NFATC3: variants seen among roughly 807,000 people sequenced by gnomAD.
NFATC3 encodes the protein nuclear factor of activated T-cells, cytoplasmic 3.
NFATC3 carries 46 observed loss-of-function variants against 98.6 expected under a neutral mutation model. The observed-to-expected ratio is 0.47, with a 90% confidence interval of 0.37 to 0.60. The LOEUF is 0.60. NFATC3 is among the 20% of genes least tolerant of loss of function. The pLI, the probability that NFATC3 is intolerant of heterozygous loss-of-function variation, is 0.00. For missense variants in NFATC3, 1,256 were observed against 1,295.5 expected, an observed-to-expected ratio of 0.97 and a Z score of 0.47; for synonymous variants, 512 against 472.2, an observed-to-expected ratio of 1.08 and a Z score of -1.09.
chr16:68,096,970 A>T lies in NFATC3; in HGVS notation c.103+11186A>T, dbSNP rs1339873447. 2.0e-5 allele frequency among the ~76,000 whole-genome samples: 3 copies of T among 152,218 alleles called. No individual in the cohort carries two copies. In the East Asian group the frequency reaches 5.8e-4, roughly 29 times the overall value. ...CACTCTACTATACTGTGGGTAATAG[A>T]TTGAAGAAGACAGGAATGGAGGTGG... On this transcript the variant is annotated intron_variant, in intron 1 of 9. Transcript: ENST00000346183.
At chr16:68,127,335 C>G (rs774087187) in intron 3 of NFATC3, among the ~76,000 whole-genome samples, 2 of 152,102 alleles carry the variant, frequency 1.3e-5, no homozygotes. Context: ...AGATAACTCT[C>G]TGTGTGTATA....
chr16:68,219,481 C>T (rs1436959283), intron 9 of NFATC3, among the ~76,000 whole-genome samples: 2 of 152,064 alleles, frequency 1.3e-5, no homozygotes, highest in Admixed American at 1.3e-4. Context: ...GCGGGAGGAT[C>T]GCTTGAGCCT....
At chr16:68,217,738 G>A in intron 9 of NFATC3, 2 of 1,231,608 alleles carry the variant, frequency 1.6e-6, no homozygotes, top group Non-Finnish European at 2.0e-6. Flanking sequence ...AAACCACTTA[G>A]TCATGACTGA....
intron 9 of NFATC3, chr16:68,221,414 G>A (rs2041859705): frequency 6.9e-7 from 1 of 1,446,284 alleles, no homozygotes; most frequent in Non-Finnish European, 9.1e-7. Context: ...TTGCAGTTCT[G>A]ACTCCCTAGC....
At position 68,191,176 on chromosome 16, in the gene NFATC3, C is replaced by T; in HGVS notation, c.2507C>T (p.Ala836Val). The change falls in exon 9 of 10, where the codon GCA (alanine) becomes GTA (valine). Residue 836 changes from alanine to valine, a missense_variant. Transcript: ENST00000346183. ...EFDSVLFQQD[A>V]TLSGLVNLGC... ...GATTCAGTTTTGTTTCAGCAGGATGCAACTCTTTCTGGTTTAGTGAATCTT... is the reference window on the plus strand; with the variant it reads ...GATTCAGTTTTGTTTCAGCAGGATGTAACTCTTTCTGGTTTAGTGAATCTT... The T allele has an allele frequency of 6.2e-7, 1 of 1,614,160 alleles. No individual in the cohort carries two copies. The highest frequency in any genetic ancestry group is 8.5e-7 in the Non-Finnish European group (1 of 1,180,036).
intron 9 of NFATC3, among the ~76,000 whole-genome samples, chr16:68,215,368 T>G (rs1281629164): frequency 6.6e-6 from 1 of 152,184 alleles, no homozygotes; most frequent in African/African-American, 2.4e-5. Context: ...TAAAATAATT[T>G]CCTCATATTA....
At chr16:68,142,087 T>G (rs548435133) in intron 3 of NFATC3, among the ~76,000 whole-genome samples, 2 of 152,310 alleles carry the variant, frequency 1.3e-5, no homozygotes, top group South Asian at 4.1e-4. Flanking sequence ...TATGTTTTTG[T>G]ATGCTTTGTC....
intron 5 of NFATC3, among the ~76,000 whole-genome samples, chr16:68,172,232 G>C (rs1017798365): frequency 1.2e-4 from 18 of 152,142 alleles, no homozygotes; most frequent in African/African-American, 4.3e-4. Flanking sequence ...TTAAGTACTT[G>C]AGAGCTGTTG....
rs2036089270 is a variant in NFATC3, at chr16:68,113,401, C to A, written c.104-8586C>A. Reference sequence around the variant, plus strand: ...CCACTCCTGACCTAATTCATCTACCCCCTCCTGCACCTGGAGGTATAAGCA... The same window carrying A: ...CCACTCCTGACCTAATTCATCTACCACCTCCTGCACCTGGAGGTATAAGCA... On this transcript the variant is annotated intron_variant, in intron 1 of 9. Transcript: ENST00000346183. Among the ~76,000 whole-genome samples, 5 of 152,316 alleles carry A rather than the reference C, an allele frequency of 3.3e-5. No homozygotes were observed. The South Asian group carries it at 1.0e-3, about 32-fold the overall frequency.
At chr16:68,106,526 G>C (rs1306868921) in intron 1 of NFATC3, among the ~76,000 whole-genome samples, 2 of 151,884 alleles carry the variant, frequency 1.3e-5, no homozygotes, top group Admixed American at 6.6e-5. Context: ...TCCTGACCTT[G>C]TGATCTGCCC....
intron 3 of NFATC3, among the ~76,000 whole-genome samples, chr16:68,156,143 T>A (rs2038602080): frequency 6.6e-6 from 1 of 152,008 alleles, no homozygotes; most frequent in African/African-American, 2.4e-5. Flanking sequence ...AAATCTCGTC[T>A]CTACTAAAAA....
intron 1 of NFATC3, among the ~76,000 whole-genome samples, chr16:68,107,386 A>G (rs2035716251): frequency 6.6e-6 from 1 of 152,180 alleles, no homozygotes; most frequent in Non-Finnish European, 1.5e-5. Flanking sequence ...AAGCCTTTCT[A>G]TCTCAGCCTC....
intron 3 of NFATC3, among the ~76,000 whole-genome samples, chr16:68,127,687 CAAAA>C (rs201633690): frequency 2.3e-5 from 2 of 85,706 alleles, no homozygotes; most frequent in East Asian, 3.7e-4. Flanking sequence ...GACCCTGTCT[CAAAA>C]AAAAAAAAAA....
At chr16:68,114,025 C>T (rs2036130286) in intron 1 of NFATC3, among the ~76,000 whole-genome samples, 1 of 152,208 alleles carries the variant, frequency 6.6e-6, no homozygotes, top group Non-Finnish European at 1.5e-5. Flanking sequence ...TGCTGCTAGC[C>T]ACAACCTGAG....
intron 1 of NFATC3, among the ~76,000 whole-genome samples, chr16:68,106,490 C>T (rs947367560): frequency 6.6e-6 from 1 of 151,890 alleles, no homozygotes; most frequent in African/African-American, 2.4e-5. Flanking sequence ...CGGGGTTTCT[C>T]CCTGTTGTCC....
intron 9 of NFATC3, among the ~76,000 whole-genome samples, chr16:68,207,176 G>C (rs1212768877): frequency 1.3e-5 from 2 of 151,978 alleles, no homozygotes; most frequent in African/African-American, 4.8e-5. Context: ...TGGGCATGGT[G>C]GTGGGCGCCT....
chr16:68,180,813 GT>G (rs1335456779), intron 6 of NFATC3, among the ~76,000 whole-genome samples: 3 of 152,128 alleles, frequency 2.0e-5, no homozygotes, highest in African/African-American at 7.2e-5. Flanking sequence ...CTTCATCCAT[GT>G]CCCTACAAAG....
intron 1 of NFATC3, among the ~76,000 whole-genome samples, chr16:68,090,329 A>G (rs1392569369): frequency 8.3e-6 from 1 of 120,000 alleles, no homozygotes; most frequent in Non-Finnish European, 1.7e-5. Flanking sequence ...AAAAACACAC[A>G]CACACACACA....
At chr16:68,206,044 TC>T (rs1322419474) in intron 9 of NFATC3, among the ~76,000 whole-genome samples, 1 of 152,138 alleles carries the variant, frequency 6.6e-6, no homozygotes, top group African/African-American at 2.4e-5. Flanking sequence ...TGTTGATCCT[TC>T]CTCTTACTGA....
Sources: gnomAD v4.1 joint callset for allele counts (sites outside exome capture counted in the v4.1 genomes callset) on GRCh38, gnomAD v4.1.1 for gene constraint, MANE v1.5 for transcripts, NCBI Gene and HGNC (gene_info 2026-07-23, HGNC 2026-07-21) for gene names.